Variants in CFTR observed in about 807,000 individuals in gnomAD.
CFTR encodes the protein cystic fibrosis transmembrane conductance regulator.
A neutral mutation model predicts 171.6 loss-of-function variants in CFTR; 181 were observed. The observed-to-expected ratio is 1.05, with a 90% CI of 0.93 to 1.19. CFTR has a LOEUF of 1.19. Ranked by LOEUF, CFTR falls within the 50% of genes most tolerant of loss-of-function variation. CFTR has a pLI of 0.00. For missense variants in CFTR, 1,968 were observed against 1,734.7 expected (o/e 1.13, Z -2.39); for synonymous variants, 583 against 608.0 (o/e 0.96, Z 0.60).
rs1324302547 is a variant in CFTR, at chr7:117,548,642, G to T, written c.1211G>T (p.Gly404Val). 3.1e-6 allele frequency: 5 copies of T among 1,612,268 alleles called. No individual in the cohort carries two copies. Among genetic ancestry groups the T allele is most frequent in the Non-Finnish European group, 2.5e-6 (3 of 1,179,136 alleles). The change falls in exon 10 of 27, where the codon GGA (glycine) becomes GTA (valine). Residue 404 changes from glycine to valine, a missense_variant and splice_region_variant. Transcript: ENST00000003084. ...TGTGTGTGTGTGTTTTTTTAACAGGGATTTGGGGAATTATTTGAGAAAGCA... is the reference window on the plus strand; with the variant it reads ...TGTGTGTGTGTGTTTTTTTAACAGGTATTTGGGGAATTATTTGAGAAAGCA... ...MENVTAFWEEGFGELFEKAKQ... is the reference protein window; with the variant it reads ...MENVTAFWEEVFGELFEKAKQ...
chr7:117,509,900 G>T (rs989413556), intron 3 of CFTR, among the ~76,000 whole-genome samples: 1 of 152,094 alleles, frequency 6.6e-6, no homozygotes, highest in Non-Finnish European at 1.5e-5. Flanking sequence ...GCTTTGGGGC[G>T]TTTACTTATC....
chr7:117,559,972 A>T (rs151231099), intron 11 of CFTR, among the ~76,000 whole-genome samples: 1 of 152,140 alleles, frequency 6.6e-6, no homozygotes, highest in African/African-American at 2.4e-5. Context: ...TATGGCATGC[A>T]TATAAGTGAT....
intron 12 of CFTR, among the ~76,000 whole-genome samples, chr7:117,589,783 G>T (rs213967): frequency 0.54 from 82,636 of 151,794 alleles, 25,186 homozygotes; most frequent in African/African-American, 0.83. Context: ...GTTGATAGTG[G>T]TTAACACTTA....
intron 21 of CFTR, among the ~76,000 whole-genome samples, chr7:117,624,290 T>C (rs1792620244): frequency 6.6e-6 from 1 of 152,122 alleles, no homozygotes; most frequent in Non-Finnish European, 1.5e-5. Context: ...GTGCTCACTG[T>C]CTCTGAGGCA....
chr7:117,499,257 TC>T (rs1798283745), intron 1 of CFTR, among the ~76,000 whole-genome samples: 1 of 151,986 alleles, frequency 6.6e-6, no homozygotes, highest in African/African-American at 2.4e-5. Context: ...AAAAGTCAGA[TC>T]GAAAAATGAG....
chr7:117,602,390 T>C (rs1381297095), intron 15 of CFTR, among the ~76,000 whole-genome samples: 1 of 152,238 alleles, frequency 6.6e-6, no homozygotes, highest in Non-Finnish European at 1.5e-5. Flanking sequence ...CAATAATTAA[T>C]TGATTTCACA....
chr7:117,513,583 A>T (rs1798554329), intron 3 of CFTR, among the ~76,000 whole-genome samples: 1 of 152,148 alleles, frequency 6.6e-6, no homozygotes, highest in Non-Finnish European at 1.5e-5. Flanking sequence ...ATGTGAATGA[A>T]ATATATGTGG....
intron 3 of CFTR, among the ~76,000 whole-genome samples, chr7:117,510,192 G>A (rs1159303634): frequency 6.6e-6 from 1 of 151,784 alleles, no homozygotes; most frequent in Non-Finnish European, 1.5e-5. Flanking sequence ...GGCATTTGGG[G>A]GTAAAAAGTA....
intron 20 of CFTR, among the ~76,000 whole-genome samples, chr7:117,612,033 A>ATG (rs1554392402): frequency 6.6e-5 from 5 of 75,312 alleles, no homozygotes; most frequent in East Asian, 5.3e-4. Flanking sequence ...GTATATATAT[A>ATG]TATATATATA....
chr7:117,644,213 C>T (rs556112940), intron 23 of CFTR, among the ~76,000 whole-genome samples: 42 of 152,126 alleles, frequency 2.8e-4, no homozygotes, highest in Non-Finnish European at 5.0e-4. Flanking sequence ...GGGGCTGGCT[C>T]TCAGTATCAC....
intron 11 of CFTR, among the ~76,000 whole-genome samples, chr7:117,576,870 A>C (rs1791777434): frequency 6.9e-6 from 1 of 145,150 alleles, no homozygotes; most frequent in Non-Finnish European, 1.5e-5. Flanking sequence ...GTTATCTAAA[A>C]TACTTCCACT....
chr7:117,507,514 C>G (rs1359565478), intron 2 of CFTR, among the ~76,000 whole-genome samples: 1 of 152,188 alleles, frequency 6.6e-6, no homozygotes, highest in South Asian at 2.1e-4. Flanking sequence ...CTTGGCTTTC[C>G]CATCTGATCC....
At chr7:117,609,631 T>C (rs182679954) in intron 18 of CFTR, among the ~76,000 whole-genome samples, 1 of 152,288 alleles carries the variant, frequency 6.6e-6, no homozygotes, top group Admixed American at 6.5e-5. Flanking sequence ...AAAGGTTAGA[T>C]AGCTTGCCTA....
At chr7:117,596,505 G>A (rs758493844) in intron 15 of CFTR, among the ~76,000 whole-genome samples, 27 of 152,244 alleles carry the variant, frequency 1.8e-4, no homozygotes, top group African/African-American at 2.4e-4. Context: ...GGTGCAGGGC[G>A]CAGGGCTGGC....
intron 11 of CFTR, among the ~76,000 whole-genome samples, chr7:117,567,259 C>G (rs1362589538): frequency 1.3e-5 from 2 of 152,148 alleles, no homozygotes; most frequent in Non-Finnish European, 2.9e-5. Context: ...AAATCTTACA[C>G]TTATTTTTTA....
At chr7:117,500,887 T>C (rs1227787293) in intron 1 of CFTR, among the ~76,000 whole-genome samples, 1 of 152,212 alleles carries the variant, frequency 6.6e-6, no homozygotes, top group Non-Finnish European at 1.5e-5. Flanking sequence ...CAAAACGATG[T>C]GTCATGGTGT....
chr7:117,559,686 T>G, intron 11 of CFTR, 31 bp downstream of exon 11: 1 of 1,499,098 alleles, frequency 6.7e-7, no homozygotes, highest in Non-Finnish European at 9.3e-7. Context: ...TTTTTGATTA[T>G]GCATATGAAC....
At chr7:117,651,858 A>G (rs1219717491) in intron 23 of CFTR, among the ~76,000 whole-genome samples, 1 of 152,202 alleles carries the variant, frequency 6.6e-6, no homozygotes, top group Admixed American at 6.6e-5. Flanking sequence ...CTTGTGGACC[A>G]GATGGCCACT....
chr7:117,587,204 T>C (rs1296315357), intron 11 of CFTR, among the ~76,000 whole-genome samples: 1 of 152,036 alleles, frequency 6.6e-6, no homozygotes, highest in African/African-American at 2.4e-5. Context: ...GCTGTTTTAG[T>C]TGGGAGGATA....
Sources: gnomAD v4.1 joint callset for allele counts (sites outside exome capture counted in the v4.1 genomes callset) on GRCh38, gnomAD v4.1.1 for gene constraint, MANE v1.5 for transcripts, NCBI Gene and HGNC (gene_info 2026-07-23, HGNC 2026-07-21) for gene names.